Variants in PCNX2 observed in about 807,000 individuals in gnomAD.
PCNX2 encodes pecanex-like protein 2.
A neutral mutation model predicts 223.8 loss-of-function variants in PCNX2; 168 were observed. That is an observed-to-expected ratio of 0.75 (90% CI 0.66 to 0.85). PCNX2 has a LOEUF of 0.85. Ranked by LOEUF, PCNX2 falls within the 40% of genes least tolerant of loss-of-function variation. The pLI, the probability that PCNX2 is intolerant of heterozygous loss-of-function variation, is 0.00. For missense variants in PCNX2, 2,507 were observed against 2,675.5 expected (o/e 0.94, Z 1.39); for synonymous variants, 1,006 against 1,052.6 (o/e 0.96, Z 0.86).
intron 23 of PCNX2, among the ~76,000 whole-genome samples, chr1:233,060,831 C>G (rs78213146): frequency 0.023 from 3,505 of 152,238 alleles, 82 homozygotes; most frequent in East Asian, 0.11. Flanking sequence ...GTCCTGAGCA[C>G]TACAGAACAA....
intron 21 of PCNX2, among the ~76,000 whole-genome samples, chr1:233,118,009 C>CA (rs35266392): frequency 0.051 from 5,889 of 115,264 alleles, 129 homozygotes; most frequent in African/African-American, 0.08. Context: ...GACTCCGTCT[C>CA]AAAAAAAAAA....
intron 19 of PCNX2, 104 bp downstream of exon 19, chr1:233,160,179 G>A: frequency 7.8e-7 from 1 of 1,287,844 alleles, no homozygotes; most frequent in Non-Finnish European, 1.1e-6. Context: ...CAAGTGTACA[G>A]TTCTGTGGCA....
At chr1:233,168,703 T>C (rs1678949813) in intron 17 of PCNX2, among the ~76,000 whole-genome samples, 1 of 152,144 alleles carries the variant, frequency 6.6e-6, no homozygotes, top group Non-Finnish European at 1.5e-5. Flanking sequence ...TATTTTGAAT[T>C]AATTTCCTAG....
intron 23 of PCNX2, among the ~76,000 whole-genome samples, chr1:233,069,686 T>C (rs781492349): frequency 5.9e-5 from 9 of 151,766 alleles, no homozygotes; most frequent in Non-Finnish European, 1.3e-4. Context: ...TAGAAATACA[T>C]TGAACTGAAA....
intron 21 of PCNX2, among the ~76,000 whole-genome samples, chr1:233,130,086 A>G (rs1380933149): frequency 6.6e-6 from 1 of 152,126 alleles, no homozygotes; most frequent in Non-Finnish European, 1.5e-5. Context: ...CTGCCTTAAG[A>G]GCTGTAACAC....
intron 1 of PCNX2, among the ~76,000 whole-genome samples, chr1:233,266,165 C>T (rs1474330810): frequency 6.6e-6 from 1 of 152,150 alleles, no homozygotes; most frequent in Non-Finnish European, 1.5e-5. Context: ...GCATGCTATG[C>T]ATGGTACATT....
intron 10 of PCNX2, among the ~76,000 whole-genome samples, chr1:233,221,484 C>A (rs1211709277): frequency 6.6e-6 from 1 of 152,148 alleles, no homozygotes; most frequent in African/African-American, 2.4e-5. Flanking sequence ...ATTCCTCTGC[C>A]CCCAGGTTCC....
upstream of PCNX2, among the ~76,000 whole-genome samples, chr1:233,297,922 G>T (rs1219191873): frequency 6.6e-6 from 1 of 152,142 alleles, no homozygotes; most frequent in Non-Finnish European, 1.5e-5. Context: ...AAGGGATAAG[G>T]AATGTAATGA....
At chr1:233,206,708 C>T (rs546578166) in intron 13 of PCNX2, among the ~76,000 whole-genome samples, 3 of 152,086 alleles carry the variant, frequency 2.0e-5, no homozygotes, top group South Asian at 2.1e-4. Context: ...AAGCATGGTG[C>T]GTAATCCTTT....
intron 21 of PCNX2, among the ~76,000 whole-genome samples, chr1:233,100,835 C>T (rs879661489): frequency 3.3e-5 from 5 of 152,230 alleles, no homozygotes; most frequent in Non-Finnish European, 5.9e-5. Flanking sequence ...TCGCCTATTT[C>T]TCCATCCTTA....
rs1176392593 is a variant in PCNX2 at position 233,208,765 on chromosome 1, A to ACACTATAT, written c.2692-84_2692-77dup. On this transcript the variant is annotated intron_variant, in intron 12 of 33. Coordinates refer to ENST00000258229, the MANE Select transcript of PCNX2 (RefSeq NM_014801.4). ...AAAAAAGCCTCATAGTCAATAATTT[A>ACACTATAT]CACTATATCATATAACTTATACATA... The ACACTATAT allele has an allele frequency of 2.3e-6, 3 of 1,314,058 alleles. No homozygotes were observed. The East Asian group carries it at 7.4e-5, about 33-fold the overall frequency. 81.4% of individuals were successfully genotyped at this position (1,314,058 alleles called of 1,614,324 possible).
chr1:233,143,450 A>T (rs1466166764), intron 19 of PCNX2, among the ~76,000 whole-genome samples: 1 of 152,234 alleles, frequency 6.6e-6, no homozygotes, highest in East Asian at 1.9e-4. Flanking sequence ...ACCTCAGGGA[A>T]TACTTTCAGG....
chr1:233,009,623 T>A (rs1670396568), intron 28 of PCNX2, among the ~76,000 whole-genome samples: 1 of 152,216 alleles, frequency 6.6e-6, no homozygotes, highest in East Asian at 1.9e-4. Context: ...CCCGGCCTGA[T>A]GACCAGGGTT....
rs377339176 is a variant in PCNX2, at chr1:232,986,175, C to T, written c.6157G>A (p.Gly2053Ser). ...VISGLSAAEG[G>S]NTSDTQSSSS... The stretch of plus-strand genomic sequence containing the variant: ...GATGACTGGGTGTCACTGGTATTGC[C>T]CCCCTCCGCAGCAGAGAGTCCGGAA... The change falls in exon 33 of 34, where the codon GGC becomes AGC. Residue 2053 changes from glycine to serine, a missense_variant. Physicochemically the swap from Gly to Ser is moderately conservative, Grantham distance 56. Transcript: ENST00000258229. The T allele has an allele frequency of 3.1e-5, 48 of 1,564,072 alleles. 1 individual carries two copies. The highest frequency in any genetic ancestry group is 2.8e-4 in the South Asian group (24 of 84,882).
At chr1:232,999,404 A>G (rs1464747941) in intron 30 of PCNX2, 25 bp from the exon 31 acceptor site, 1 of 1,566,894 alleles carries the variant, frequency 6.4e-7, no homozygotes, top group Non-Finnish European at 8.7e-7. Flanking sequence ...GGGAACGGGA[A>G]GAAAGGCAGA....
At chr1:233,315,570 G>T in the PCNX2 span, among the ~76,000 whole-genome samples, 1 of 152,166 alleles carries the variant, frequency 6.6e-6, no homozygotes, top group Non-Finnish European at 1.5e-5. Flanking sequence ...TTTAATGAAT[G>T]TCGCAGTCCA....
chr1:233,082,077 CA>C (rs2102923736), intron 23 of PCNX2, among the ~76,000 whole-genome samples: 1 of 152,148 alleles, frequency 6.6e-6, no homozygotes, highest in South Asian at 2.1e-4. Context: ...GGAATAAGAT[CA>C]GCCCTGGGTT....
At chr1:233,289,357 C>G (rs1661627514) in intron 1 of PCNX2, 3 of 1,166,942 alleles carry the variant, frequency 2.6e-6, no homozygotes, top group Non-Finnish European at 3.9e-6. Flanking sequence ...AAGTTCATCT[C>G]CAGCTCCAGA....
intron 15 of PCNX2, among the ~76,000 whole-genome samples, chr1:233,188,400 C>A (rs1680226135): frequency 6.6e-6 from 1 of 152,144 alleles, no homozygotes; most frequent in Non-Finnish European, 1.5e-5. Flanking sequence ...TTCTTCTAGG[C>A]CAGTAAGGGA....
Sources: gnomAD v4.1 joint callset for allele counts (sites outside exome capture counted in the v4.1 genomes callset) on GRCh38, gnomAD v4.1.1 for gene constraint, MANE v1.5 for transcripts, NCBI Gene and HGNC (gene_info 2026-07-23, HGNC 2026-07-21) for gene names.